MCTP1: variants seen among roughly 807,000 people sequenced by gnomAD.
MCTP1 encodes the protein multiple C2 and transmembrane domain-containing protein 1.
MCTP1 carries 69 observed loss-of-function variants against 120.6 expected under a neutral mutation model. The observed-to-expected ratio is 0.57, with a 90% CI of 0.47 to 0.70. MCTP1 has a LOEUF of 0.70. Ranked by LOEUF, MCTP1 falls within the 30% of genes least tolerant of loss-of-function variation. The pLI, the probability that MCTP1 is intolerant of heterozygous loss-of-function variation, is 0.00. For synonymous variants in MCTP1, 529 were observed against 493.1 expected (o/e 1.07, Z -0.96); for missense variants, 1,203 against 1,248.8 (o/e 0.96, Z 0.55).
At chr5:95,090,515 C>G (rs151170654) in intron 1 of MCTP1, among the ~76,000 whole-genome samples, 169 of 152,256 alleles carry the variant, frequency 1.1e-3, no homozygotes, top group African/African-American at 3.8e-3. Flanking sequence ...CTTCACAAGG[C>G]AGAGCAGGTA....
At chr5:95,043,054 G>C (rs1165422541) in intron 1 of MCTP1, among the ~76,000 whole-genome samples, 1 of 151,998 alleles carries the variant, frequency 6.6e-6, no homozygotes, top group Non-Finnish European at 1.5e-5. Flanking sequence ...AATTTTGAGA[G>C]ATCTTGTCAA....
At chr5:95,225,648 C>T (rs1470444958) in intron 1 of MCTP1, among the ~76,000 whole-genome samples, 4 of 152,164 alleles carry the variant, frequency 2.6e-5, no homozygotes, top group Non-Finnish European at 5.9e-5. Flanking sequence ...ACTTTACATT[C>T]CACTGAGAGG....
At chr5:94,951,817 G>A (rs558930198) in intron 3 of MCTP1, among the ~76,000 whole-genome samples, 2 of 152,208 alleles carry the variant, frequency 1.3e-5, no homozygotes, top group East Asian at 1.9e-4. Flanking sequence ...GGTTGGCTAC[G>A]CACACTCTCA....
chr5:95,026,449 A>G (rs1581907443), intron 1 of MCTP1, among the ~76,000 whole-genome samples: 1 of 151,954 alleles, frequency 6.6e-6, no homozygotes, highest in Non-Finnish European at 1.5e-5. Flanking sequence ...TCAACCCCCA[A>G]CTACCCTTCC....
chr5:94,789,731 C>A (rs964343669), intron 18 of MCTP1: 1 of 152,148 alleles, frequency 6.6e-6, no homozygotes, highest in African/African-American at 2.4e-5. Flanking sequence ...CTATTATATT[C>A]ATGTATTCTA....
intron 18 of MCTP1, among the ~76,000 whole-genome samples, chr5:94,780,480 C>CATCTGACAA (rs760488028): frequency 1.6e-5 from 2 of 124,384 alleles, no homozygotes; most frequent in Non-Finnish European, 3.3e-5. Flanking sequence ...ATAATGAAAG[C>CATCTGACAA]ATCTGACAAC....
intron 18 of MCTP1, among the ~76,000 whole-genome samples, chr5:94,795,243 G>A (rs1326334913): frequency 6.7e-6 from 1 of 149,876 alleles, no homozygotes; most frequent in African/African-American, 2.5e-5. Context: ...ACTGATGAAG[G>A]GACCTGGGCG....
At chr5:94,781,329 G>A (rs1258291314) in intron 18 of MCTP1, among the ~76,000 whole-genome samples, 1 of 152,034 alleles carries the variant, frequency 6.6e-6, no homozygotes, top group Non-Finnish European at 1.5e-5. Context: ...ATGGTGGTGG[G>A]CTGTGCTTAG....
chr5:95,221,938 A>G (rs1753741743), intron 1 of MCTP1, among the ~76,000 whole-genome samples: 1 of 152,244 alleles, frequency 6.6e-6, no homozygotes, highest in Non-Finnish European at 1.5e-5. Flanking sequence ...ATTTATTTAC[A>G]CAGAAAATTG....
chr5:94,922,997 CAAAA>C (rs202245253), intron 7 of MCTP1, among the ~76,000 whole-genome samples: 25,176 of 98,916 alleles, frequency 0.25, 2,515 homozygotes, highest in East Asian at 0.41. Context: ...TAAAAAGCTG[CAAAA>C]AAAAAAAAAA....
intron 2 of MCTP1, among the ~76,000 whole-genome samples, chr5:94,975,313 G>A (rs145478236): frequency 2.0e-5 from 3 of 152,020 alleles, no homozygotes; most frequent in South Asian, 2.1e-4. Context: ...TTCAGGAGGC[G>A]ATTAGGTTTG....
chr5:94,796,649 T>TAA lies in MCTP1; in HGVS notation c.2556+2363_2556+2364insTT, dbSNP rs1481372883. Among the ~76,000 whole-genome samples the TAA allele has an allele frequency of 2.7e-3, 37 of 13,814 alleles. No homozygotes were observed. The East Asian group carries it at 0.041, about 15-fold the overall frequency. 9.1% of individuals were successfully genotyped at this position (13,814 alleles called of 152,430 possible). ...ATATATATTATATATGTAATATATA[T>TAA]TATATATATTATATATATATGTATT... On this transcript the variant is annotated intron_variant, in intron 18 of 22. Coordinates refer to ENST00000515393, the MANE Select transcript of MCTP1 (RefSeq NM_024717.7).
At chr5:94,802,890 AT>A (rs1188369636) in intron 17 of MCTP1, among the ~76,000 whole-genome samples, 1 of 152,102 alleles carries the variant, frequency 6.6e-6, no homozygotes, top group Non-Finnish European at 1.5e-5. Flanking sequence ...AGATTTTAGA[AT>A]TTTTTGATGT....
At chr5:95,114,459 G>C (rs1757674784) in intron 1 of MCTP1, among the ~76,000 whole-genome samples, 1 of 152,204 alleles carries the variant, frequency 6.6e-6, no homozygotes, top group African/African-American at 2.4e-5. Context: ...GGCAGCATTA[G>C]CTACAAGCTG....
chr5:95,056,132 C>T (rs10061802), intron 1 of MCTP1, among the ~76,000 whole-genome samples: 151,273 of 152,340 alleles, frequency 0.99, 75,118 homozygotes, highest in Middle Eastern at 1. Flanking sequence ...ACTTGGAATA[C>T]TTTATAAAAT....
At chr5:94,846,523 G>A (rs1031439230) in intron 17 of MCTP1, among the ~76,000 whole-genome samples, 3 of 152,114 alleles carry the variant, frequency 2.0e-5, no homozygotes, top group Non-Finnish European at 2.9e-5. Flanking sequence ...TAGGAGGAGC[G>A]AAAGGATCAG....
At chr5:94,982,884 CAAAAAAAAAAAAA>C (rs34561115) in intron 2 of MCTP1, among the ~76,000 whole-genome samples, 8 of 28,620 alleles carry the variant, frequency 2.8e-4, no homozygotes, top group Admixed American at 5.9e-4. Context: ...CACACTTCAT[CAAAAAAAAAAAAA>C]AAAAAAAAAA....
Position 95,284,141 on chromosome 5 carries a change from C to T in MCTP1, c.435G>A (p.Gly145=). Residue 145 remains glycine (G), a synonymous_variant, in exon 1 of 23, where the codon GGG becomes GGA. Coordinates refer to ENST00000515393, the MANE Select transcript of MCTP1 (RefSeq NM_024717.7). This position sits in a 1 kb window ranked among gnomAD's most constrained non-coding sequence, Gnocchi z 5.2. The part of the protein sequence containing the change: ...GPAAASGAAG[G]TPPGGRSPDS... The stretch of plus-strand genomic sequence containing the variant: ...CGGGGGAGCGTCCGCCAGGAGGCGT[C>T]CCTCCCGCTGCTCCCGAGGCCGCCG... The T allele has an allele frequency of 6.4e-7, 1 of 1,555,476 alleles. No individual in the cohort carries two copies. Among genetic ancestry groups the T allele is most frequent in the Non-Finnish European group, 8.7e-7 (1 of 1,150,108 alleles).
At chr5:95,191,098 T>A (rs1041024413) in intron 1 of MCTP1, among the ~76,000 whole-genome samples, 1 of 152,012 alleles carries the variant, frequency 6.6e-6, no homozygotes, top group African/African-American at 2.4e-5. Context: ...AAAACAAATA[T>A]AAATTGCTAA....
Sources: gnomAD v4.1 joint callset for allele counts (sites outside exome capture counted in the v4.1 genomes callset) on GRCh38, gnomAD v4.1.1 for gene constraint, Gnocchi (gnomAD v3.1) non-coding constraint, MANE v1.5 for transcripts, NCBI Gene and HGNC (gene_info 2026-07-23, HGNC 2026-07-21) for gene names.